The following GRM8 variants were observed in gnomAD, a reference collection of about 807,000 sequenced individuals.
GRM8 encodes the protein glutamate metabotropic receptor 8, also known as metabotropic glutamate receptor 8.
GRM8 carries 47 observed loss-of-function variants against 87.2 expected under a neutral mutation model. That is an observed-to-expected ratio of 0.54 (90% CI 0.43 to 0.69). GRM8 has a LOEUF of 0.69. GRM8 is among the 30% of genes least tolerant of loss of function. The probability of loss-of-function intolerance (pLI) is 0.00; values close to 1 mark genes in which losing one functional copy is unlikely to be tolerated. For synonymous variants in GRM8, 396 were observed against 404.5 expected (o/e 0.98, Z 0.25); for missense variants, 1,019 against 1,139.2 (o/e 0.89, Z 1.52).
intron 2 of GRM8, among the ~76,000 whole-genome samples, chr7:127,240,946 A>C (rs1798257757): frequency 6.6e-6 from 1 of 152,152 alleles, no homozygotes; most frequent in East Asian, 1.9e-4. Context: ...AGGTTTCCAG[A>C]AATGGAGAAC....
chr7:127,069,866 G>C (rs1289846568), intron 3 of GRM8, among the ~76,000 whole-genome samples: 1 of 152,104 alleles, frequency 6.6e-6, no homozygotes, highest in Non-Finnish European at 1.5e-5. Context: ...CCCACAACTG[G>C]CAGGGATTTT....
intron 3 of GRM8, among the ~76,000 whole-genome samples, chr7:127,090,731 A>G (rs1256845781): frequency 6.6e-6 from 1 of 152,102 alleles, no homozygotes; most frequent in East Asian, 1.9e-4. Context: ...GGCATGCCCC[A>G]GAACCCAGAT....
intron 6 of GRM8, among the ~76,000 whole-genome samples, chr7:126,822,465 CTCTTT>C (rs1794381163): frequency 6.6e-6 from 1 of 151,744 alleles, no homozygotes; most frequent in East Asian, 1.9e-4. Context: ...TCCTTCCTTC[CTCTTT>C]TATTTTTCTT....
intron 10 of GRM8, among the ~76,000 whole-genome samples, chr7:126,443,743 C>T (rs1249377148): frequency 6.6e-6 from 1 of 151,844 alleles, no homozygotes; most frequent in African/African-American, 2.4e-5. Context: ...CCAAATAGGC[C>T]TTGTTTTTGC....
intron 6 of GRM8, among the ~76,000 whole-genome samples, chr7:126,775,061 C>T (rs1326197916): frequency 6.6e-6 from 1 of 152,204 alleles, no homozygotes; most frequent in South Asian, 2.1e-4. Flanking sequence ...CTTTTTCTTA[C>T]AACCATCTCA....
intron 2 of GRM8, among the ~76,000 whole-genome samples, chr7:127,180,775 AT>A (rs1163576737): frequency 6.6e-6 from 1 of 152,102 alleles, no homozygotes; most frequent in Non-Finnish European, 1.5e-5. Context: ...CAGAAAAAGC[AT>A]TCGACAAAAT....
At chr7:126,893,898 T>C (rs1801301337) in intron 6 of GRM8, among the ~76,000 whole-genome samples, 2 of 152,048 alleles carry the variant, frequency 1.3e-5, no homozygotes, top group African/African-American at 2.4e-5. Context: ...ATCCAATCCT[T>C]TGTTCAGCTA....
At chr7:126,819,383 C>A (rs1794092851) in intron 6 of GRM8, among the ~76,000 whole-genome samples, 2 of 152,148 alleles carry the variant, frequency 1.3e-5, no homozygotes, top group Non-Finnish European at 2.9e-5. Context: ...CCACATTGGA[C>A]TCATTTTCAC....
chr7:126,537,620 CA>C (rs1005717508), intron 8 of GRM8, among the ~76,000 whole-genome samples: 1 of 151,712 alleles, frequency 6.6e-6, no homozygotes, highest in African/African-American at 2.4e-5. Context: ...TCTAAAAATA[CA>C]AAAAAATTAG....
intron 3 of GRM8, among the ~76,000 whole-genome samples, chr7:126,921,067 C>T (rs1465451568): frequency 6.6e-6 from 1 of 152,174 alleles, no homozygotes; most frequent in East Asian, 1.9e-4. Flanking sequence ...TTGAGAGGAG[C>T]CTTTACCGTG....
chr7:126,484,755 T>C (rs1807152093), intron 9 of GRM8, among the ~76,000 whole-genome samples: 1 of 152,064 alleles, frequency 6.6e-6, no homozygotes, highest in African/African-American at 2.4e-5. Context: ...TTTGTAACAG[T>C]GACCTTAAAA....
chr7:126,947,278 A>G (rs975541173), intron 3 of GRM8, among the ~76,000 whole-genome samples: 1 of 152,246 alleles, frequency 6.6e-6, no homozygotes, highest in Admixed American at 6.5e-5. Context: ...TATGTCATTA[A>G]GTATTCTCCG....
At chr7:126,827,076 T>G (rs1270337409) in intron 6 of GRM8, among the ~76,000 whole-genome samples, 1 of 152,208 alleles carries the variant, frequency 6.6e-6, no homozygotes, top group Non-Finnish European at 1.5e-5. Flanking sequence ...TTGATCTATA[T>G]CTCTGTTTTG....
chr7:127,064,549 C>A (rs1820923572), intron 3 of GRM8, among the ~76,000 whole-genome samples: 1 of 152,122 alleles, frequency 6.6e-6, no homozygotes, highest in East Asian at 1.9e-4. Flanking sequence ...GACAGCATAC[C>A]ATTGGATCTT....
intron 9 of GRM8, among the ~76,000 whole-genome samples, chr7:126,510,903 A>G (rs1285250272): frequency 6.6e-6 from 1 of 152,136 alleles, no homozygotes; most frequent in Non-Finnish European, 1.5e-5. Flanking sequence ...AACTAGCTTG[A>G]GGGCTTGCAA....
rs188505793 is a variant in GRM8, at chr7:127,239,481, G to A, written c.510+3214C>T. 8.8e-3 allele frequency among the ~76,000 whole-genome samples: 1,346 copies of A among 152,214 alleles called. 12 individuals are homozygous for A. Among genetic ancestry groups the A allele is most frequent in the Non-Finnish European group, 0.015 (990 of 68,012 alleles). On this transcript the variant is annotated intron_variant, in intron 2 of 10. Transcript: ENST00000339582. ...TATTTTTAGATTCTGTGGGTCTTTT[G>A]CTACCCTGAAAGGGCCTAAGCTTGA...
intron 3 of GRM8, among the ~76,000 whole-genome samples, chr7:126,982,708 A>T (rs1204091835): frequency 6.6e-6 from 1 of 152,232 alleles, no homozygotes; most frequent in Non-Finnish European, 1.5e-5. Flanking sequence ...GAAATATGAC[A>T]ATTACAGTCC....
rs148874550 is a variant in GRM8, at chr7:126,609,447, C to T, written c.1409G>A (p.Arg470His). The T allele has an allele frequency of 2.5e-6, 4 of 1,611,292 alleles. No homozygotes were observed. Among genetic ancestry groups the T allele is most frequent in the Middle Eastern group, 1.7e-4 (1 of 6,052 alleles). ...TATTTGATACTGGAAGATATCATAA[C>T]GTCCAGGAGCATCTCCGTTTTCATT... ...TFNENGDAPG[R>H]YDIFQYQITN... The change falls in exon 8 of 11, where the codon CGT becomes CAT. Residue 470 changes from arginine (R) to histidine (H), a missense_variant. By Grantham distance (29) the Arg-to-His change is conservative (BLOSUM62 0). Coordinates refer to ENST00000339582, the MANE Select transcript of GRM8 (RefSeq NM_000845.3).
chr7:126,733,980 C>T (rs1203490544), intron 7 of GRM8, among the ~76,000 whole-genome samples: 6 of 151,962 alleles, frequency 3.9e-5, no homozygotes, highest in Non-Finnish European at 8.8e-5. Flanking sequence ...AAAAGTGCTA[C>T]TTAAAAATTA....
Sources: allele counts gnomAD v4.1 joint callset (sites outside exome capture counted in the v4.1 genomes callset), GRCh38; gene constraint gnomAD v4.1.1; transcripts MANE v1.5; gene names NCBI Gene and HGNC (gene_info 2026-07-23, HGNC 2026-07-21).